Variants in PCDH9 observed in about 807,000 individuals in gnomAD.
PCDH9 encodes protocadherin-9.
In PCDH9, 24 loss-of-function variants were observed where a neutral mutation model predicts 70.6. That is an observed-to-expected ratio of 0.34 (90% confidence interval 0.25 to 0.48). The LOEUF is 0.48. PCDH9 is among the 20% of genes least tolerant of loss of function. PCDH9 has a pLI of 0.99. For synonymous variants in PCDH9, 562 were observed against 558.5 expected (o/e 1.01, Z -0.09); for missense variants, 1,281 against 1,503.6 (o/e 0.85, Z 2.45).
chr13:66,641,819 T>TA (rs894122373), intron 3 of PCDH9, among the ~76,000 whole-genome samples: 1 of 152,100 alleles, frequency 6.6e-6, no homozygotes, highest in African/African-American at 2.4e-5. Flanking sequence ...AACTACCAAA[T>TA]AAAAAAAGAA....
rs765989023 is a variant in PCDH9 at position 66,304,677 on chromosome 13, C to T, written c.3692G>A (p.Ser1231Asn). The T allele has an allele frequency of 6.2e-7, 1 of 1,612,410 alleles. No individual in the cohort carries two copies. The highest frequency in any genetic ancestry group is 8.5e-7 in the Non-Finnish European group (1 of 1,178,720). Residue 1231 changes from serine to asparagine, a missense_variant, in exon 5 of 5, where the codon AGT becomes AAT. Ser to Asn is a conservative substitution (Grantham distance 46). Around this residue, in one of 4 missense-constraint regions of PCDH9, gnomAD observed 264 missense variants for 278.8 expected, o/e 0.95. Transcript: ENST00000377865. ...SYKQAGGATESPKEHQL is the reference protein window; with the variant it reads ...SYKQAGGATENPKEHQL Reference sequence around the variant, plus strand: ...TTCTTAGAGTTGGTGCTCCTTAGGACTCTCAGTAGCACCTCCTGCTTGCTT... The same window carrying T: ...TTCTTAGAGTTGGTGCTCCTTAGGATTCTCAGTAGCACCTCCTGCTTGCTT...
At chr13:66,735,636 A>T (rs1362404906) in intron 3 of PCDH9, among the ~76,000 whole-genome samples, 2 of 152,170 alleles carry the variant, frequency 1.3e-5, no homozygotes, top group African/African-American at 4.8e-5. Context: ...TCACTGTGTG[A>T]ATTTGGTCTT....
At position 66,889,787 on chromosome 13, in the gene PCDH9, G is replaced by A. The variant is rs139013143; in HGVS notation, c.3138+13717C>T. ...CTGTACTATTGCATTTTGAGAAAGA[G>A]GCACAATTCAATAAAGCAAAATTCA... On this transcript the variant is annotated intron_variant, in intron 3 of 4. Transcript: ENST00000377865. Among the ~76,000 whole-genome samples the A allele has an allele frequency of 3.8e-4, 58 of 152,264 alleles. 1 individual carries two copies. Among genetic ancestry groups the A allele is most frequent in the African/African-American group, 1.2e-3 (50 of 41,560 alleles).
chr13:66,807,666 T>C (rs2080432796), intron 3 of PCDH9, among the ~76,000 whole-genome samples: 1 of 152,220 alleles, frequency 6.6e-6, no homozygotes, highest in South Asian at 2.1e-4. Flanking sequence ...CTTATTAATA[T>C]AATTTTTGAA....
chr13:67,083,034 T>C (rs2086017704), intron 2 of PCDH9, among the ~76,000 whole-genome samples: 1 of 152,086 alleles, frequency 6.6e-6, no homozygotes, highest in Admixed American at 6.6e-5. Context: ...GAAGCTAAAA[T>C]AAAATTAATG....
chr13:66,940,258 A>G (rs1362470469), intron 2 of PCDH9, among the ~76,000 whole-genome samples: 1 of 152,114 alleles, frequency 6.6e-6, no homozygotes, highest in Admixed American at 6.5e-5. Context: ...CTGTTTCCTA[A>G]CACCTTGTTC....
At chr13:66,380,862 G>A (rs1956836460) in intron 4 of PCDH9, among the ~76,000 whole-genome samples, 1 of 152,082 alleles carries the variant, frequency 6.6e-6, no homozygotes, top group Non-Finnish European at 1.5e-5. Context: ...TGTTTAAAGA[G>A]AGAAAATCAC....
intron 2 of PCDH9, among the ~76,000 whole-genome samples, chr13:67,021,725 A>C (rs1442968642): frequency 6.6e-6 from 1 of 151,924 alleles, no homozygotes; most frequent in African/African-American, 2.4e-5. Context: ...ACACCTGGCT[A>C]ATTTTTGTAT....
intron 2 of PCDH9, among the ~76,000 whole-genome samples, chr13:67,021,544 C>T (rs934328870): frequency 1.3e-5 from 2 of 152,022 alleles, no homozygotes; most frequent in African/African-American, 4.8e-5. Flanking sequence ...TGTGCTCAGG[C>T]TCATGAAGGA....
At chr13:66,997,411 C>T (rs1017418134) in intron 2 of PCDH9, among the ~76,000 whole-genome samples, 17 of 152,322 alleles carry the variant, frequency 1.1e-4, no homozygotes, top group Admixed American at 7.8e-4. Flanking sequence ...AGAGGGAGAA[C>T]TCATTACCAG....
At chr13:66,667,114 G>T (rs759541906) in intron 3 of PCDH9, among the ~76,000 whole-genome samples, 22 of 152,020 alleles carry the variant, frequency 1.4e-4, no homozygotes, top group Non-Finnish European at 2.8e-4. Context: ...GTTGAGAAAA[G>T]AAAGGGAAAG....
At chr13:66,623,593 T>C (rs1351218299) in intron 4 of PCDH9, among the ~76,000 whole-genome samples, 1 of 152,114 alleles carries the variant, frequency 6.6e-6, no homozygotes, top group African/African-American at 2.4e-5. Flanking sequence ...CACAAACAAC[T>C]TCACTTGGCT....
At chr13:67,180,158 T>C (rs2088578097) in intron 2 of PCDH9, among the ~76,000 whole-genome samples, 1 of 152,166 alleles carries the variant, frequency 6.6e-6, no homozygotes, top group Non-Finnish European at 1.5e-5. Context: ...ACTGAGATGC[T>C]TTTCAACTAT....
chr13:66,930,050 C>T (rs1388713693), intron 2 of PCDH9, among the ~76,000 whole-genome samples: 5 of 152,134 alleles, frequency 3.3e-5, no homozygotes, highest in Non-Finnish European at 7.4e-5. Context: ...GTATTCATCT[C>T]ATAAAATGGA....
chr13:66,351,219 ATGAGCCCAGCC>A (rs1956286774), intron 4 of PCDH9, among the ~76,000 whole-genome samples: 1 of 152,152 alleles, frequency 6.6e-6, no homozygotes. Context: ...GTTTTGGCAG[ATGAGCCCAGCC>A]TGGCTAGGTG....
At chr13:66,556,028 G>T (rs1217362069) in intron 4 of PCDH9, among the ~76,000 whole-genome samples, 1 of 149,962 alleles carries the variant, frequency 6.7e-6, no homozygotes, top group African/African-American at 2.4e-5. Flanking sequence ...AGAGAACACA[G>T]TTCCGATAAG....
chr13:66,867,975 A>G (rs1247856370), intron 3 of PCDH9, among the ~76,000 whole-genome samples: 1 of 152,060 alleles, frequency 6.6e-6, no homozygotes, highest in Non-Finnish European at 1.5e-5. Context: ...TATAGTATGT[A>G]TTCATATAAA....
chr13:66,950,124 T>C (rs980043416), intron 2 of PCDH9, among the ~76,000 whole-genome samples: 5 of 152,118 alleles, frequency 3.3e-5, no homozygotes, highest in African/African-American at 1.2e-4. Context: ...TGATATATAG[T>C]AATAACAAAG....
At position 66,849,486 on chromosome 13, in the gene PCDH9, G is replaced by GTATA. The variant is rs144181181; in HGVS notation, c.3138+54014_3138+54017dup. Among the ~76,000 whole-genome samples, 32 of 90,256 alleles carry GTATA rather than the reference G, an allele frequency of 3.5e-4. No individual in the cohort carries two copies. The East Asian group carries it at 3.8e-3, about 11-fold the overall frequency. 59.2% of individuals were successfully genotyped at this position (90,256 alleles called of 152,430 possible). On this transcript the variant is annotated intron_variant, in intron 3 of 4. Transcript: ENST00000377865. ...TGACATCTATGACAATCATAGGTAG[G>GTATA]TATATATATATATATATATATATAT...
Sources: allele counts gnomAD v4.1 joint callset (sites outside exome capture counted in the v4.1 genomes callset), GRCh38; gene constraint gnomAD v4.1.1; regional missense constraint gnomAD v4.1.1; transcripts MANE v1.5; gene names NCBI Gene and HGNC (gene_info 2026-07-23, HGNC 2026-07-21).